The following ADAMTSL1 variants were observed in gnomAD, a reference collection of about 807,000 sequenced individuals.
ADAMTSL1 encodes ADAMTS-like protein 1.
In ADAMTSL1, 126 loss-of-function variants were observed where a neutral mutation model predicts 201.8. The observed-to-expected ratio is 0.62, with a 90% CI of 0.54 to 0.72. The LOEUF is 0.72. Ranked by LOEUF, ADAMTSL1 falls within the 30% of genes least tolerant of loss-of-function variation. The pLI is 0.00. For synonymous variants in ADAMTSL1, 1,121 were observed against 903.4 expected (o/e 1.24, Z -4.32); for missense variants, 2,679 against 2,277.8 (o/e 1.18, Z -3.59).
intron 2 of ADAMTSL1, among the ~76,000 whole-genome samples, chr9:18,378,132 C>T (rs983080600): frequency 5.9e-5 from 9 of 152,136 alleles, no homozygotes; most frequent in Non-Finnish European, 8.8e-5. Context: ...GAATTAAGAT[C>T]GCTTTTGTTA....
chr9:18,068,903 T>A (rs1400525387), intron 1 of ADAMTSL1, among the ~76,000 whole-genome samples: 1 of 152,138 alleles, frequency 6.6e-6, no homozygotes, highest in East Asian at 1.9e-4. Context: ...CTAGAAGAGG[T>A]TACCTAACTT....
chr9:18,562,890 A>C (rs1183326783), intron 3 of ADAMTSL1, among the ~76,000 whole-genome samples: 1 of 152,080 alleles, frequency 6.6e-6, no homozygotes, highest in Non-Finnish European at 1.5e-5. Context: ...TCTTCTCTAA[A>C]CTGGTTATTC....
chr9:17,908,586 A>G (rs1204921875), intron 1 of ADAMTSL1, among the ~76,000 whole-genome samples: 1 of 151,860 alleles, frequency 6.6e-6, no homozygotes, highest in Non-Finnish European at 1.5e-5. Context: ...CCTCCCAAGT[A>G]GCTGGGATTA....
At chr9:18,175,139 C>T (rs1229650699) in intron 2 of ADAMTSL1, among the ~76,000 whole-genome samples, 1 of 152,156 alleles carries the variant, frequency 6.6e-6, no homozygotes, top group Non-Finnish European at 1.5e-5. Flanking sequence ...TGGGTTGAAG[C>T]TTCATTTCCA....
At chr9:18,855,770 C>A (rs865902794) in intron 23 of ADAMTSL1, among the ~76,000 whole-genome samples, 1 of 152,152 alleles carries the variant, frequency 6.6e-6, no homozygotes, top group Non-Finnish European at 1.5e-5. Context: ...ATTTTGTTTC[C>A]AAGGAGATAA....
chr9:18,719,188 A>G (rs1271409280), intron 14 of ADAMTSL1, among the ~76,000 whole-genome samples: 1 of 152,240 alleles, frequency 6.6e-6, no homozygotes, highest in Non-Finnish European at 1.5e-5. Flanking sequence ...ATGATGGAAT[A>G]ATTTGAATGT....
intron 1 of ADAMTSL1, among the ~76,000 whole-genome samples, chr9:18,014,699 T>TGGGAATTGCTTGCAG (rs146458228): frequency 0.022 from 3,314 of 151,788 alleles, 88 homozygotes; most frequent in African/African-American, 0.067. Context: ...GTTGGATCAG[T>TGGGAATTGCTTGCAG]GGGAATTGCT....
chr9:18,753,229 G>C, intron 15 of ADAMTSL1, 69 bp from the exon 16 acceptor site: 2 of 1,470,270 alleles, frequency 1.4e-6, no homozygotes, highest in Non-Finnish European at 1.9e-6. Context: ...AACTCCATTT[G>C]AGTTCATGGG....
At chr9:18,723,991 A>G (rs1208397564) in intron 15 of ADAMTSL1, 1 of 152,210 alleles carries the variant, frequency 6.6e-6, no homozygotes, top group African/African-American at 2.4e-5. Context: ...TCTTTAATTC[A>G]CAATTCTTAC....
At chr9:18,528,461 G>C (rs904260000) in intron 2 of ADAMTSL1, among the ~76,000 whole-genome samples, 4 of 152,100 alleles carry the variant, frequency 2.6e-5, no homozygotes, top group African/African-American at 9.7e-5. Context: ...AAGTGAGATT[G>C]ATTTTCTGTT....
chr9:18,849,783 T>C (rs538882505), intron 23 of ADAMTSL1, among the ~76,000 whole-genome samples: 2 of 152,328 alleles, frequency 1.3e-5, no homozygotes, highest in Admixed American at 1.3e-4. Flanking sequence ...AAAGAGAAAA[T>C]GCTTTGCTAT....
At chr9:18,469,466 C>T (rs529489363), upstream of ADAMTSL1, among the ~76,000 whole-genome samples, 2 of 152,364 alleles carry the variant, frequency 1.3e-5, no homozygotes, top group South Asian at 4.1e-4. Context: ...TATTAAATAA[C>T]ACATAACATT....
intron 15 of ADAMTSL1, among the ~76,000 whole-genome samples, chr9:18,741,501 G>C (rs1325134662): frequency 1.3e-5 from 2 of 152,186 alleles, no homozygotes; most frequent in Non-Finnish European, 2.9e-5. Context: ...TGTCCAGAAA[G>C]ATTTCTATTT....
At chr9:18,858,969 A>G (rs552437674) in intron 23 of ADAMTSL1, among the ~76,000 whole-genome samples, 13 of 152,254 alleles carry the variant, frequency 8.5e-5, no homozygotes, top group Non-Finnish European at 1.6e-4. Context: ...CTTGCTCTAC[A>G]TCAAAAGGTT....
rs966856953 is a variant in ADAMTSL1, at chr9:18,262,438, C to A, written c.207+98457C>A. On this transcript the variant is annotated intron_variant, in intron 2 of 29. Transcript: ENST00000680146. ...ACATATTATTTTTAAATGTGAATAA[C>A]TAATTTTTAAAAATGTATACACTGT... 5.9e-5 allele frequency among the ~76,000 whole-genome samples: 9 copies of A among 152,286 alleles called. No individual in the cohort carries two copies. The South Asian group carries it at 1.9e-3, about 32-fold the overall frequency.
intron 1 of ADAMTSL1, among the ~76,000 whole-genome samples, chr9:18,125,135 C>A (rs974094323): frequency 6.6e-6 from 1 of 152,190 alleles, no homozygotes; most frequent in Admixed American, 6.5e-5. Context: ...AGAGGTTTAA[C>A]TGGACTCACA....
intron 20 of ADAMTSL1, among the ~76,000 whole-genome samples, chr9:18,810,702 G>A (rs1057448826): frequency 6.6e-6 from 1 of 152,138 alleles, no homozygotes; most frequent in African/African-American, 2.4e-5. Flanking sequence ...GTATTTTGTA[G>A]TCATGTGCAT....
chr9:18,578,589 T>G (rs1822887262), intron 4 of ADAMTSL1, among the ~76,000 whole-genome samples: 1 of 152,240 alleles, frequency 6.6e-6, no homozygotes, highest in African/African-American at 2.4e-5. Flanking sequence ...GCCTCAGTTT[T>G]GTCATCTGCA....
At chr9:17,949,742 C>G (rs1827655369) in intron 1 of ADAMTSL1, among the ~76,000 whole-genome samples, 1 of 152,124 alleles carries the variant, frequency 6.6e-6, no homozygotes, top group Admixed American at 6.6e-5. Context: ...TCCTGTGCTT[C>G]CCACAGCAAC....
Sources: allele counts gnomAD v4.1 joint callset (sites outside exome capture counted in the v4.1 genomes callset), GRCh38; gene constraint gnomAD v4.1.1; transcripts MANE v1.5; gene names NCBI Gene and HGNC (gene_info 2026-07-23, HGNC 2026-07-21).